NEK1: variants seen among roughly 807,000 people sequenced by gnomAD.
The protein encoded by NEK1 is serine/threonine-protein kinase Nek1.
In NEK1, 137 loss-of-function variants were observed where a neutral mutation model predicts 182.1. That is an observed-to-expected ratio of 0.75 (90% confidence interval 0.65 to 0.87). The LOEUF (loss-of-function observed/expected upper bound fraction) is 0.87, where lower values mean the gene tolerates loss of function less well. Among genes scored for constraint, NEK1 ranks in the 40% least tolerant of loss-of-function variants. The pLI is 0.00. For synonymous variants in NEK1, 513 were observed against 492.2 expected (o/e 1.04, Z -0.56); for missense variants, 1,391 against 1,494.4 (o/e 0.93, Z 1.14).
chr4:169,603,165 G>GAATAT (rs1770768838), intron 2 of NEK1, among the ~76,000 whole-genome samples: 1 of 152,132 alleles, frequency 6.6e-6, no homozygotes, highest in South Asian at 2.1e-4. Context: ...TGAATTCAAA[G>GAATAT]AATATGCCCA....
chr4:169,464,329 G>A (rs1351687612), intron 26 of NEK1, among the ~76,000 whole-genome samples: 3 of 152,128 alleles, frequency 2.0e-5, no homozygotes, highest in Non-Finnish European at 4.4e-5. Flanking sequence ...TGATTAAAAG[G>A]TTACTCTATG....
intron 19 of NEK1, among the ~76,000 whole-genome samples, chr4:169,537,233 C>T (rs890300356): frequency 1.3e-5 from 2 of 151,930 alleles, no homozygotes; most frequent in African/African-American, 4.8e-5. Context: ...CTGTTAAATA[C>T]CAAAGAGAAA....
chr4:169,448,815 G>A (rs1042228070), intron 27 of NEK1, among the ~76,000 whole-genome samples: 2 of 152,180 alleles, frequency 1.3e-5, no homozygotes, highest in African/African-American at 2.4e-5. Flanking sequence ...TGGACAGTGG[G>A]TGCAGCCCAC....
intron 27 of NEK1, among the ~76,000 whole-genome samples, chr4:169,445,329 G>T (rs1740301883): frequency 6.6e-6 from 1 of 152,114 alleles, no homozygotes; most frequent in South Asian, 2.1e-4. Flanking sequence ...GGAGGCTAAG[G>T]TGAGAGGATT....
chr4:169,568,659 G>A (rs969541136), intron 12 of NEK1, among the ~76,000 whole-genome samples: 2 of 152,094 alleles, frequency 1.3e-5, no homozygotes, highest in Admixed American at 6.5e-5. Context: ...AGGAAGGCCC[G>A]CTGGACGTGG....
chr4:169,584,949 G>A (rs1216830556), intron 10 of NEK1, among the ~76,000 whole-genome samples: 4 of 152,166 alleles, frequency 2.6e-5, no homozygotes, highest in Non-Finnish European at 5.9e-5. Flanking sequence ...ACTTTGGAAG[G>A]CCAAGGTGGG....
chr4:169,418,786 A>G (rs575708903), intron 31 of NEK1, among the ~76,000 whole-genome samples: 1 of 152,288 alleles, frequency 6.6e-6, no homozygotes, highest in African/African-American at 2.4e-5. Context: ...ATGTAACTGG[A>G]GTCACAGAAA....
At chr4:169,577,215 T>G (rs1765831839) in intron 11 of NEK1, 136 bp from the exon 12 acceptor site, 1 of 890,900 alleles carries the variant, frequency 1.1e-6, no homozygotes, top group Non-Finnish European at 1.7e-6. Context: ...ATATCTTAAT[T>G]CATCCCTTAG....
chr4:169,418,836 T>C (rs1049182274), intron 31 of NEK1, among the ~76,000 whole-genome samples: 30 of 152,060 alleles, frequency 2.0e-4, no homozygotes, highest in African/African-American at 6.8e-4. Context: ...ATTGAAATAA[T>C]AGCCAAAACT....
intron 5 of NEK1, among the ~76,000 whole-genome samples, chr4:169,596,757 A>T (rs1253654777): frequency 6.6e-6 from 1 of 152,226 alleles, no homozygotes; most frequent in Non-Finnish European, 1.5e-5. Context: ...TTCCTGTTTC[A>T]AAGCCCAGAA....
At chr4:169,507,184 T>C in intron 22 of NEK1, 52 bp from the exon 23 acceptor site, 2 of 581,224 alleles carry the variant, frequency 3.4e-6, no homozygotes, top group Non-Finnish European at 4.8e-6. Flanking sequence ...AGGGCAGAGG[T>C]TTTTTTTTTT....
chr4:169,479,922 A>G (rs1023380972), intron 23 of NEK1, among the ~76,000 whole-genome samples: 1 of 152,186 alleles, frequency 6.6e-6, no homozygotes, highest in Non-Finnish European at 1.5e-5. Context: ...AAGTTCAAAT[A>G]TCAATTACTC....
At chr4:169,491,241 G>T (rs1750038718) in intron 23 of NEK1, among the ~76,000 whole-genome samples, 1 of 151,258 alleles carries the variant, frequency 6.6e-6, no homozygotes, top group Admixed American at 6.6e-5. Context: ...GAGTGATATG[G>T]TCATCCATAT....
chr4:169,426,284 G>A, intron 29 of NEK1, 50 bp from the exon 30 acceptor site: 5 of 1,445,528 alleles, frequency 3.5e-6, no homozygotes, highest in Non-Finnish European at 4.8e-6. Context: ...TAGTTTACCA[G>A]AAATAAAAGT....
intron 23 of NEK1, among the ~76,000 whole-genome samples, chr4:169,499,408 A>G (rs1468466813): frequency 1.3e-5 from 2 of 152,084 alleles, no homozygotes; most frequent in African/African-American, 4.8e-5. Context: ...AACTCGTCAA[A>G]GTCATTCTCT....
At chr4:169,573,108 T>C (rs1173607151) in intron 12 of NEK1, among the ~76,000 whole-genome samples, 2 of 152,222 alleles carry the variant, frequency 1.3e-5, no homozygotes, top group African/African-American at 2.4e-5. Context: ...CAAAGTCCTT[T>C]AGCAGGCAAA....
At chr4:169,568,902 A>C (rs1422637056) in intron 12 of NEK1, among the ~76,000 whole-genome samples, 2 of 148,754 alleles carry the variant, frequency 1.3e-5, no homozygotes, top group East Asian at 1.9e-4. Flanking sequence ...ACGCCATTGC[A>C]CTCCAGCCTG....
Position 169,401,709 on chromosome 4 carries a change from C to G in NEK1, c.3526G>C (p.Ala1176Pro). ...VEPTANGTDV[A>P]DEDDNPSSES... is the part of the protein sequence containing the mutation. ...CTGCTGGGATTGTCATCTTCATCTG[C>G]CACATCTGTCCCATTTGCAGTTGGC... Residue 1176 changes from alanine to proline, a missense_variant, in exon 33 of 36, where the codon GCA (alanine) becomes CCA (proline). Coordinates refer to ENST00000507142, the MANE Select transcript of NEK1 (RefSeq NM_001199397.3). 6.2e-7 allele frequency: 1 copy of G among 1,613,938 alleles called. No homozygotes were observed. The highest frequency in any genetic ancestry group is 8.5e-7 in the Non-Finnish European group (1 of 1,179,820).
chr4:169,480,152 T>C (rs570393835), intron 23 of NEK1, among the ~76,000 whole-genome samples: 5 of 152,264 alleles, frequency 3.3e-5, no homozygotes, highest in African/African-American at 1.2e-4. Flanking sequence ...AGCAGGAAGT[T>C]TACTCCCTAC....
Sources: allele counts gnomAD v4.1 joint callset (sites outside exome capture counted in the v4.1 genomes callset), GRCh38; gene constraint gnomAD v4.1.1; transcripts MANE v1.5; gene names NCBI Gene and HGNC (gene_info 2026-07-23, HGNC 2026-07-21).